Variants in NETO1 observed in about 807,000 individuals in gnomAD.
NETO1 encodes the protein neuropilin and tolloid-like protein 1.
Under a neutral mutation model 61.3 loss-of-function variants are expected in NETO1, and 26 were observed. The ratio of observed to expected loss-of-function variants is 0.42; its 90% CI spans 0.31 to 0.59. The LOEUF (loss-of-function observed/expected upper bound fraction) is 0.59, where lower values mean the gene tolerates loss of function less well. NETO1 is among the 20% of genes least tolerant of loss of function. The probability of loss-of-function intolerance (pLI) is 0.12; values close to 1 mark genes in which losing one functional copy is unlikely to be tolerated. For synonymous variants in NETO1, 225 were observed against 225.8 expected (o/e 1.00, Z 0.03); for missense variants, 531 against 662.8 (o/e 0.80, Z 2.18).
intron 7 of NETO1, among the ~76,000 whole-genome samples, chr18:72,758,109 G>A (rs996762208): frequency 5.9e-5 from 9 of 152,036 alleles, no homozygotes; most frequent in South Asian, 2.1e-4. Flanking sequence ...TCTGGTAATC[G>A]AGTGAAGTGC....
At chr18:72,815,693 G>A (rs777938060) in intron 4 of NETO1, among the ~76,000 whole-genome samples, 8 of 152,182 alleles carry the variant, frequency 5.3e-5, no homozygotes, top group African/African-American at 9.7e-5. Flanking sequence ...ACTCCTGTCC[G>A]CTGCTGACAC....
rs1771524981 is a variant in NETO1 at position 72,744,166 on chromosome 18, AATG to A, written c.*4010_*4012del. On this transcript the variant is annotated 3_prime_UTR_variant, in exon 11 of 11. Transcript: ENST00000327305. Reference sequence around the variant, plus strand: ...AGTACAGAATCAGAGGCTACAAGAAAATGATGAGTTGATATGAGTGTCTGACAT... The same window carrying A: ...AGTACAGAATCAGAGGCTACAAGAAAATGAGTTGATATGAGTGTCTGACAT... The A allele has an allele frequency of 6.6e-6, 1 of 152,168 alleles. No individual in the cohort carries two copies. The allele number at this position is 152,168 out of a possible 1,614,324, so 9.4% of individuals were successfully genotyped here. A position where few individuals can be genotyped will look rare whatever the true frequency, so the allele number is the denominator to read the frequency against.
chr18:72,815,449 T>A (rs1033057523), intron 4 of NETO1, among the ~76,000 whole-genome samples: 24 of 151,962 alleles, frequency 1.6e-4, no homozygotes, highest in Non-Finnish European at 1.3e-4. Context: ...CTACCATAAA[T>A]CAGCATACAA....
intron 4 of NETO1, among the ~76,000 whole-genome samples, chr18:72,817,382 G>A (rs946986664): frequency 5.3e-5 from 8 of 152,230 alleles, no homozygotes; most frequent in African/African-American, 1.9e-4. Flanking sequence ...GGGAGTGAGA[G>A]CATCGGCCCC....
At chr18:72,791,436 G>A (rs577476509) in intron 6 of NETO1, among the ~76,000 whole-genome samples, 2 of 152,286 alleles carry the variant, frequency 1.3e-5, no homozygotes, top group Admixed American at 6.5e-5. Flanking sequence ...TCTCCAGTCC[G>A]TGCTTTTCTC....
rs116206386 is a variant in NETO1, at chr18:72,791,217, C to A, written c.639+2900G>T. 7.7e-3 allele frequency among the ~76,000 whole-genome samples: 1,166 copies of A among 152,206 alleles called. 19 individuals are homozygous for A. Among genetic ancestry groups the A allele is most frequent in the African/African-American group, 0.026 (1,087 of 41,516 alleles). On this transcript the variant is annotated intron_variant, in intron 6 of 10. Transcript: ENST00000327305. Reference sequence around the variant, plus strand: ...ATCAGATATTATATTTTCTATTTGTCAAAAGCTGGTAAAGCAGTAAATAAT... The same window carrying A: ...ATCAGATATTATATTTTCTATTTGTAAAAAGCTGGTAAAGCAGTAAATAAT...
chr18:72,789,209 AGCAC>A (rs1328816324), intron 6 of NETO1, among the ~76,000 whole-genome samples: 2 of 65,756 alleles, frequency 3.0e-5, no homozygotes, highest in Non-Finnish European at 6.2e-5. Flanking sequence ...TTAACACACA[AGCAC>A]ACACACACAC....
intron 1 of NETO1, chr18:72,865,718 T>G: frequency 3.3e-6 from 5 of 1,522,776 alleles, no homozygotes; most frequent in Non-Finnish European, 4.4e-6. Flanking sequence ...AAATAAATAC[T>G]TAGACAAATC....
At position 72,794,399 on chromosome 18, in the gene NETO1, C is replaced by A; in HGVS notation, c.475G>T (p.Asp159Tyr). ...SARYNFTPDP[D>Y]FKDLGALKPL... ...TTCAAAGCTCCAAGGTCCTTAAAGT[C>A]AGGATCTTAAAAATTGAGAAAAAGA... The change falls in exon 5 of 11, where the codon GAC becomes TAC. Residue 159 changes from aspartate to tyrosine, a missense_variant. Coordinates refer to ENST00000327305, the MANE Select transcript of NETO1 (RefSeq NM_138966.5). 1.2e-6 allele frequency: 2 copies of A among 1,609,738 alleles called. No homozygotes were observed. The highest frequency in any genetic ancestry group is 1.7e-6 in the Non-Finnish European group (2 of 1,179,052).
chr18:72,862,498 T>G (rs1206196456), intron 3 of NETO1, among the ~76,000 whole-genome samples: 1 of 152,218 alleles, frequency 6.6e-6, no homozygotes, highest in East Asian at 1.9e-4. Flanking sequence ...TTCCCGTCTA[T>G]ATTTCTTTTC....
chr18:72,762,192 C>T (rs140700992), intron 7 of NETO1, among the ~76,000 whole-genome samples: 1,905 of 150,386 alleles, frequency 0.013, 44 homozygotes, highest in African/African-American at 0.044. Context: ...CTGATTTTCG[C>T]TCTTGTTGCC....
intron 7 of NETO1, among the ~76,000 whole-genome samples, chr18:72,768,120 A>G (rs931684870): frequency 2.6e-5 from 4 of 152,140 alleles, no homozygotes; most frequent in Admixed American, 1.3e-4. Flanking sequence ...AAGCAAAACA[A>G]TTTTCTGAAA....
intron 4 of NETO1, among the ~76,000 whole-genome samples, chr18:72,807,995 T>C (rs1403126457): frequency 3.3e-5 from 5 of 149,312 alleles, no homozygotes; most frequent in African/African-American, 4.9e-5. Context: ...GCCATCTTTT[T>C]CACTAGAACT....
At chr18:72,764,211 G>A (rs932554333) in intron 7 of NETO1, among the ~76,000 whole-genome samples, 2 of 152,030 alleles carry the variant, frequency 1.3e-5, no homozygotes, top group Non-Finnish European at 2.9e-5. Flanking sequence ...ACTTTTATCA[G>A]CCTTGAATAT....
At chr18:72,774,601 T>C (rs1205271189) in intron 7 of NETO1, among the ~76,000 whole-genome samples, 7 of 152,222 alleles carry the variant, frequency 4.6e-5, no homozygotes, top group South Asian at 4.1e-4. Flanking sequence ...ATCCAATGTA[T>C]GGCATATCTC....
chr18:72,805,844 T>A lies in NETO1; in HGVS notation c.470-11440A>T, dbSNP rs918093925. 4.0e-4 allele frequency among the ~76,000 whole-genome samples: 61 copies of A among 152,308 alleles called. 2 individuals carry two copies. The highest frequency in any genetic ancestry group is 2.9e-3 in the East Asian group (15 of 5,186). On this transcript the variant is annotated intron_variant, in intron 4 of 10. Transcript: ENST00000327305. ...TATATAAAACAGATAAAATACAATT[T>A]TTTTTTGGCAGGGGAAAAATATGTT...
chr18:72,822,255 G>C (rs1288508520), intron 4 of NETO1, among the ~76,000 whole-genome samples: 1 of 152,186 alleles, frequency 6.6e-6, no homozygotes, highest in Non-Finnish European at 1.5e-5. Flanking sequence ...GGAGGGGCTG[G>C]GAAAGGATGG....
At chr18:72,796,183 A>G (rs1004618736) in intron 4 of NETO1, among the ~76,000 whole-genome samples, 1 of 152,236 alleles carries the variant, frequency 6.6e-6, no homozygotes, top group African/African-American at 2.4e-5. Context: ...GCTAATATGT[A>G]TGTGGGTATC....
At chr18:72,762,490 A>G (rs565101487) in intron 7 of NETO1, among the ~76,000 whole-genome samples, 5 of 150,958 alleles carry the variant, frequency 3.3e-5, no homozygotes, top group African/African-American at 1.2e-4. Context: ...ACTTTTATGT[A>G]TAAGTATATG....
Sources: allele counts gnomAD v4.1 joint callset (sites outside exome capture counted in the v4.1 genomes callset), GRCh38; gene constraint gnomAD v4.1.1; transcripts MANE v1.5; gene names NCBI Gene and HGNC (gene_info 2026-07-23, HGNC 2026-07-21).